ZNF227: variants seen among roughly 807,000 people sequenced by gnomAD.
ZNF227 encodes zinc finger protein 227.
A neutral mutation model predicts 13.2 loss-of-function variants in ZNF227; 12 were observed. The ratio of observed to expected loss-of-function variants is 0.91; its 90% CI spans 0.58 to 1.47. The LOEUF is 1.47. Among genes scored for constraint, ZNF227 ranks in the 40% most tolerant of loss-of-function variants. The pLI is 0.00. For missense variants in ZNF227, 885 were observed against 967.5 expected (o/e 0.91, Z 1.13); for synonymous variants, 338 against 326.0 (o/e 1.04, Z -0.40).
intron 3 of ZNF227, among the ~76,000 whole-genome samples, chr19:44,220,788 G>C (rs77563594): frequency 6.6e-6 from 1 of 152,024 alleles, no homozygotes; most frequent in Non-Finnish European, 1.5e-5. Context: ...AGGTATATCT[G>C]CTAATGCTAT....
chr19:44,225,276 G>A (rs1270780441), intron 3 of ZNF227, among the ~76,000 whole-genome samples: 1 of 151,850 alleles, frequency 6.6e-6, no homozygotes, highest in African/African-American at 2.4e-5. Flanking sequence ...GAGTATCTTT[G>A]TGGCGTTCTC....
At position 44,236,443 on chromosome 19, in the gene ZNF227, C is replaced by G; in HGVS notation, c.2013C>G (p.Tyr671Ter). ...ATGTGTGTGGAAAGGGCTTTAGATA[C>G]AGTTCGCAGTTTATATACCATCAGA... ...KCDVCGKGFR[Y>*]SSQFIYHQRG... Residue 671 changes from tyrosine to a stop codon, truncating the protein, a stop_gained, in exon 6 of 6, where the codon TAC (tyrosine) becomes TAG (stop). Transcript: ENST00000313040. LOFTEE classifies it low-confidence loss of function (END_TRUNC). 2 of 1,613,438 alleles carry G rather than the reference C, an allele frequency of 1.2e-6. No homozygotes were observed. Among genetic ancestry groups the G allele is most frequent in the Non-Finnish European group, 1.7e-6 (2 of 1,179,858 alleles).
intron 3 of ZNF227, among the ~76,000 whole-genome samples, chr19:44,220,799 C>G (rs1972413830): frequency 6.6e-6 from 1 of 151,610 alleles, no homozygotes; most frequent in South Asian, 2.1e-4. Flanking sequence ...CTAATGCTAT[C>G]CCTCCCGCCT....
chr19:44,209,760 G>T (rs1971296038), upstream of ZNF227, among the ~76,000 whole-genome samples: 1 of 152,050 alleles, frequency 6.6e-6, no homozygotes, highest in African/African-American at 2.4e-5. Flanking sequence ...CTAATTTTTT[G>T]TATTTTTAGT....
chr19:44,216,523 G>A (rs866705097), intron 2 of ZNF227, among the ~76,000 whole-genome samples: 3 of 151,998 alleles, frequency 2.0e-5, no homozygotes, highest in Non-Finnish European at 4.4e-5. Flanking sequence ...TTCTATATGC[G>A]AACTTGTATC....
chr19:44,215,045 C>G (rs1217598818), intron 2 of ZNF227, among the ~76,000 whole-genome samples: 1 of 152,048 alleles, frequency 6.6e-6, no homozygotes, highest in African/African-American at 2.4e-5. Context: ...TGAGGTGGAA[C>G]CTATCATCCC....
intron 3 of ZNF227, among the ~76,000 whole-genome samples, chr19:44,219,885 T>C (rs1156639579): frequency 6.6e-6 from 1 of 152,016 alleles, no homozygotes; most frequent in Non-Finnish European, 1.5e-5. Context: ...ACCCATTAAC[T>C]CGTCATTTAG....
chr19:44,227,831 T>G (rs1184508001), intron 3 of ZNF227, among the ~76,000 whole-genome samples: 1 of 152,206 alleles, frequency 6.6e-6, no homozygotes, highest in East Asian at 1.9e-4. Flanking sequence ...TAAGCAGCTG[T>G]GCATCCTGTA....
intron 2 of ZNF227, chr19:44,217,354 A>G (rs1381223309): frequency 2.7e-5 from 12 of 448,460 alleles, no homozygotes; most frequent in Non-Finnish European, 5.3e-5. Context: ...CTACTTATTT[A>G]ATCCTTGGAA....
chr19:44,219,828 G>A (rs1347051077), intron 3 of ZNF227, among the ~76,000 whole-genome samples: 1 of 150,736 alleles, frequency 6.6e-6, no homozygotes, highest in African/African-American at 2.4e-5. Flanking sequence ...TGTGCACAAT[G>A]TGCAGGTTTG....
chr19:44,230,884 C>T (rs1599834868), intron 5 of ZNF227, among the ~76,000 whole-genome samples: 1 of 107,336 alleles, frequency 9.3e-6, no homozygotes, highest in Non-Finnish European at 1.7e-5. Flanking sequence ...CCAACCTGGG[C>T]AACATAGTGA....
intron 5 of ZNF227, among the ~76,000 whole-genome samples, chr19:44,231,206 C>A (rs1300741577): frequency 6.6e-6 from 1 of 151,824 alleles, no homozygotes. Flanking sequence ...CCTCTGCCTC[C>A]CGGGTTCAAG....
At position 44,236,647 on chromosome 19, in the gene ZNF227, C is replaced by A; in HGVS notation, c.2217C>A (p.Thr739=). Residue 739 remains threonine (T), a synonymous_variant, in exon 6 of 6, where the codon ACC becomes ACA. Coordinates refer to ENST00000313040, the MANE Select transcript of ZNF227 (RefSeq NM_182490.3). ...TTCGAGTCCACCTGGGTGTTCACAC[C>A]AGGGAAAAACTCTTTAAATGTGAAG... ...SNLRVHLGVH[T]REKLFKCEEC... is the part of the protein sequence containing the mutation. 6.2e-7 allele frequency: 1 copy of A among 1,612,564 alleles called. No homozygotes were observed. The highest frequency in any genetic ancestry group is 8.5e-7 in the Non-Finnish European group (1 of 1,179,668).
At chr19:44,219,606 C>CT (rs1023515040) in intron 3 of ZNF227, among the ~76,000 whole-genome samples, 1 of 151,804 alleles carries the variant, frequency 6.6e-6, no homozygotes, top group African/African-American at 2.4e-5. Flanking sequence ...TTGTCAATGA[C>CT]TTTTTTAGAA....
chr19:44,220,650 C>CT (rs1269896492), intron 3 of ZNF227, among the ~76,000 whole-genome samples: 2 of 151,728 alleles, frequency 1.3e-5, no homozygotes, highest in Non-Finnish European at 2.9e-5. Context: ...ATCAGCATTT[C>CT]TTTTTTTTAA....
chr19:44,228,672 T>C, intron 4 of ZNF227, 100 bp downstream of exon 4: 1 of 1,312,510 alleles, frequency 7.6e-7, no homozygotes, highest in South Asian at 2.4e-5. Context: ...GGTTCTTTGC[T>C]CTTGAAGACA....
chr19:44,208,020 T>C (rs2122614518), upstream of ZNF227: 1 of 152,356 alleles, frequency 6.6e-6, no homozygotes, highest in African/African-American at 2.4e-5. Context: ...ACCACTTATG[T>C]TCTAACAGAG....
At chr19:44,208,336 T>C (rs1971258295), upstream of ZNF227, among the ~76,000 whole-genome samples, 1 of 152,228 alleles carries the variant, frequency 6.6e-6, no homozygotes, top group African/African-American at 2.4e-5. Flanking sequence ...ACTAACTTTA[T>C]CGAAAGTAAT....
intron 4 of ZNF227, 72 bp downstream of exon 4, chr19:44,228,644 G>A (rs748151203): frequency 9.2e-6 from 13 of 1,413,666 alleles, no homozygotes; most frequent in Non-Finnish European, 1.1e-5. Context: ...GTGTTTAAGG[G>A]TTTGGACCTT....
Sources: gnomAD v4.1 joint callset for allele counts (sites outside exome capture counted in the v4.1 genomes callset) on GRCh38, gnomAD v4.1.1 for gene constraint, MANE v1.5 for transcripts, NCBI Gene and HGNC (gene_info 2026-07-23, HGNC 2026-07-21) for gene names.